PARD3B: variants seen among roughly 807,000 people sequenced by gnomAD.
The protein encoded by PARD3B is partitioning defective 3 homolog B.
PARD3B carries 103 observed loss-of-function variants against 130.2 expected under a neutral mutation model. That is an observed-to-expected ratio of 0.79 (90% confidence interval 0.67 to 0.93). PARD3B has a LOEUF of 0.93. PARD3B is among the 40% of genes least tolerant of loss of function. The pLI is 0.00. For synonymous variants in PARD3B, 583 were observed against 553.2 expected (o/e 1.05, Z -0.76); for missense variants, 1,609 against 1,499.2 (o/e 1.07, Z -1.21).
At chr2:205,510,368 G>A (rs778675929) in intron 21 of PARD3B, among the ~76,000 whole-genome samples, 1 of 152,074 alleles carries the variant, frequency 6.6e-6, no homozygotes, top group South Asian at 2.1e-4. Context: ...TAGCCTCTTC[G>A]GTTATTCCAG....
chr2:204,869,389 A>G (rs2045549963), intron 2 of PARD3B, among the ~76,000 whole-genome samples: 1 of 152,158 alleles, frequency 6.6e-6, no homozygotes, highest in South Asian at 2.1e-4. Context: ...ACAAGCATAG[A>G]GTTACAAGTA....
chr2:204,590,697 G>T (rs1283391824), intron 1 of PARD3B, among the ~76,000 whole-genome samples: 1 of 152,206 alleles, frequency 6.6e-6, no homozygotes, highest in East Asian at 1.9e-4. Context: ...GTAGCCTTTA[G>T]TTAGCAGAAC....
chr2:204,909,638 C>G (rs2047162157), intron 2 of PARD3B, among the ~76,000 whole-genome samples: 1 of 152,114 alleles, frequency 6.6e-6, no homozygotes, highest in Non-Finnish European at 1.5e-5. Flanking sequence ...TGAAGATAAT[C>G]ATAGTACCTA....
chr2:204,625,523 A>C (rs984929907), intron 1 of PARD3B, among the ~76,000 whole-genome samples: 1 of 152,210 alleles, frequency 6.6e-6, no homozygotes, highest in Admixed American at 6.5e-5. Flanking sequence ...AGCATTGACA[A>C]TGAAGAAATT....
At chr2:204,845,572 CAG>C (rs1282161178) in intron 2 of PARD3B, among the ~76,000 whole-genome samples, 2 of 151,984 alleles carry the variant, frequency 1.3e-5, no homozygotes, top group Admixed American at 6.6e-5. Context: ...TTATGAAAAA[CAG>C]AGATTCTAAA....
intron 19 of PARD3B, among the ~76,000 whole-genome samples, chr2:205,423,775 C>A (rs934081075): frequency 6.6e-6 from 1 of 152,156 alleles, no homozygotes; most frequent in Non-Finnish European, 1.5e-5. Context: ...AGAACAGGAT[C>A]GTGTCCTTTG....
At chr2:204,640,222 T>C (rs1464421065) in intron 1 of PARD3B, among the ~76,000 whole-genome samples, 1 of 152,074 alleles carries the variant, frequency 6.6e-6, no homozygotes, top group Non-Finnish European at 1.5e-5. Context: ...CACCACTGCA[T>C]TGCAACCTGT....
At chr2:205,413,889 A>G (rs1351010880) in intron 19 of PARD3B, among the ~76,000 whole-genome samples, 1 of 152,192 alleles carries the variant, frequency 6.6e-6, no homozygotes, top group African/African-American at 2.4e-5. Context: ...ATCAGTTGAA[A>G]TTAGTTTTAA....
intron 15 of PARD3B, among the ~76,000 whole-genome samples, chr2:205,219,078 TA>T (rs748873430): frequency 0.015 from 2,091 of 141,048 alleles, 15 homozygotes; most frequent in African/African-American, 0.031. Flanking sequence ...AGACTCTGTT[TA>T]AAAAAAAAAA....
intron 12 of PARD3B, among the ~76,000 whole-genome samples, chr2:205,173,574 A>G (rs1206039643): frequency 6.6e-6 from 1 of 152,082 alleles, no homozygotes; most frequent in African/African-American, 2.4e-5. Flanking sequence ...AAAGTTATAT[A>G]CTCTATCTTA....
At chr2:205,035,807 ATATATATATATATCTATATATC>A (rs1402072782) in intron 3 of PARD3B, among the ~76,000 whole-genome samples, 2,841 of 13,698 alleles carry the variant, frequency 0.21, 194 homozygotes, top group South Asian at 0.41. Context: ...TCATATATAT[ATATATATATATATCTATATATC>A]TATATATATA....
chr2:205,601,094 G>A (rs1308762099), intron 22 of PARD3B, among the ~76,000 whole-genome samples: 1 of 152,184 alleles, frequency 6.6e-6, no homozygotes, highest in African/African-American at 2.4e-5. Flanking sequence ...TTCTACAATG[G>A]TTAAACTAAT....
chr2:204,644,816 C>A (rs1299845350), intron 1 of PARD3B, among the ~76,000 whole-genome samples: 1 of 152,004 alleles, frequency 6.6e-6, no homozygotes, highest in East Asian at 1.9e-4. Flanking sequence ...AATATATTTA[C>A]TGTATATTCT....
chr2:205,615,035 C>A (rs1262222830), intron 22 of PARD3B, among the ~76,000 whole-genome samples: 1 of 152,192 alleles, frequency 6.6e-6, no homozygotes, highest in Non-Finnish European at 1.5e-5. Flanking sequence ...GAGAGGCAAA[C>A]TCACTGCCTT....
chr2:205,365,484 C>A (rs1312228558), intron 18 of PARD3B, among the ~76,000 whole-genome samples: 2 of 151,006 alleles, frequency 1.3e-5, no homozygotes, highest in African/African-American at 4.9e-5. Context: ...CAGACACAGG[C>A]CTGCTGTCTT....
intron 2 of PARD3B, among the ~76,000 whole-genome samples, chr2:204,805,069 AAAG>A (rs2042716755): frequency 6.6e-6 from 1 of 152,090 alleles, no homozygotes; most frequent in African/African-American, 2.4e-5. Context: ...AATTAGATGA[AAAG>A]AAATAATAAA....
chr2:205,077,389 G>GT (rs1392582127), intron 4 of PARD3B, among the ~76,000 whole-genome samples: 1 of 152,046 alleles, frequency 6.6e-6, no homozygotes. Flanking sequence ...CGAATTTTCT[G>GT]TTTCTTTTCT....
chr2:205,247,390 A>G (rs2039616549), intron 16 of PARD3B, among the ~76,000 whole-genome samples: 2 of 152,334 alleles, frequency 1.3e-5, no homozygotes, highest in East Asian at 1.9e-4. Flanking sequence ...ATTAATAAAG[A>G]ATTATGCTAA....
At chr2:205,100,910 A>G (rs1455978717) in intron 4 of PARD3B, among the ~76,000 whole-genome samples, 2 of 152,178 alleles carry the variant, frequency 1.3e-5, no homozygotes, top group Admixed American at 6.5e-5. Flanking sequence ...AAAGGTGTAC[A>G]TCTTTGTGAC....
Sources: allele counts gnomAD v4.1 joint callset (sites outside exome capture counted in the v4.1 genomes callset), GRCh38; gene constraint gnomAD v4.1.1; transcripts MANE v1.5; gene names NCBI Gene and HGNC (gene_info 2026-07-23, HGNC 2026-07-21).